The following VPS9D1 variants were observed in gnomAD, a reference collection of about 807,000 sequenced individuals.
VPS9D1 encodes VPS9 domain containing 1.
VPS9D1 carries 78 observed loss-of-function variants against 75.8 expected under a neutral mutation model. The observed-to-expected ratio is 1.03, with a 90% CI of 0.86 to 1.24. The LOEUF (loss-of-function observed/expected upper bound fraction) is 1.24, where lower values mean the gene tolerates loss of function less well. Ranked by LOEUF, VPS9D1 falls within the 50% of genes most tolerant of loss-of-function variation. VPS9D1 has a pLI of 0.00. For synonymous variants in VPS9D1, 481 were observed against 385.6 expected, an observed-to-expected ratio of 1.25 and a Z score of -2.90; for missense variants, 1,057 against 847.7, an observed-to-expected ratio of 1.25 and a Z score of -3.07.
Position 89,720,871 on chromosome 16 carries a change from C to G in VPS9D1, c.-10G>C. ...CGGCCGCAGCGGCCATGGCGCCGAG[C>G]GGGGGAGGCGGCGGCGGTAGCCGAG... On this transcript the variant is annotated 5_prime_UTR_variant, in exon 1 of 15. Coordinates refer to ENST00000389386, the MANE Select transcript of VPS9D1 (RefSeq NM_004913.3). 1 of 1,357,898 alleles carries G rather than the reference C, an allele frequency of 7.4e-7. No individual in the cohort carries two copies. The highest frequency in any genetic ancestry group is 9.5e-7 in the Non-Finnish European group (1 of 1,051,792). The allele number at this position is 1,357,898 out of a possible 1,614,324, so 84.1% of individuals were successfully genotyped here.
In VPS9D1 at chr16:89,711,972, G is replaced by C; in HGVS notation, c.660-3C>G. 2 of 1,550,742 alleles carry C rather than the reference G, an allele frequency of 1.3e-6. No homozygotes were observed. Among genetic ancestry groups the C allele is most frequent in the Non-Finnish European group, 1.7e-6 (2 of 1,146,784 alleles). On this transcript the variant is annotated splice_polypyrimidine_tract_variant and splice_region_variant and intron_variant, in intron 7 of 14. Coordinates refer to ENST00000389386, the MANE Select transcript of VPS9D1 (RefSeq NM_004913.3). ...GGGCGACTTGGCTGCAAAACCTCCT[G>C]GGGAGAAAGGCACGCGGTGGGTGCC...
At chr16:89,719,787 C>T (rs1044499639) in intron 1 of VPS9D1, among the ~76,000 whole-genome samples, 2 of 152,152 alleles carry the variant, frequency 1.3e-5, no homozygotes, top group African/African-American at 4.8e-5. Context: ...GGCAGGATCT[C>T]GAGTCACTGC....
chr16:89,709,806 C>T lies in VPS9D1; in HGVS notation c.1359G>A (p.Pro453=), dbSNP rs774093746. 1.1e-5 allele frequency: 18 copies of T among 1,613,590 alleles called. No homozygotes were observed. The highest frequency in any genetic ancestry group is 1.3e-5 in the African/African-American group (1 of 74,872). ...ACAGGGCCAGCAGCAGAGGCCACAGCGGGGAGAAAAAGGGTTCCTCAATGC... is the reference window on the plus strand; with the variant it reads ...ACAGGGCCAGCAGCAGAGGCCACAGTGGGGAGAAAAAGGGTTCCTCAATGC... ...LACIEEPFFS[P]LWPLLLALYR... The change falls in exon 11 of 15, where the codon CCG becomes CCA. Residue 453 remains proline, a synonymous_variant. Coordinates refer to ENST00000389386, the MANE Select transcript of VPS9D1 (RefSeq NM_004913.3).
In VPS9D1 at chr16:89,720,896, G is replaced by A. The variant is rs905314853; in HGVS notation, c.-35C>T. The A allele has an allele frequency of 9.3e-6, 12 of 1,296,468 alleles. No individual in the cohort carries two copies. In the African/African-American group the frequency reaches 1.6e-4, roughly 17 times the overall value. The allele number at this position is 1,296,468 out of a possible 1,614,324, so 80.3% of individuals were successfully genotyped here. On this transcript the variant is annotated 5_prime_UTR_variant, in exon 1 of 15. Transcript: ENST00000389386. ...CGGGGGAGGCGGCGGCGGTAGCCGA[G>A]GGGCTGGACGGGCGACCGGAGGCCC...
At position 89,711,979 on chromosome 16, in the gene VPS9D1, A is replaced by G; in HGVS notation, c.660-10T>C. The stretch of plus-strand genomic sequence containing the variant: ...TTGGCTGCAAAACCTCCTGGGGAGA[A>G]AGGCACGCGGTGGGTGCCGGGGCCA... On this transcript the variant is annotated splice_polypyrimidine_tract_variant and intron_variant, in intron 7 of 14. Coordinates refer to ENST00000389386, the MANE Select transcript of VPS9D1 (RefSeq NM_004913.3). The G allele has an allele frequency of 1.3e-6, 2 of 1,550,502 alleles. No homozygotes were observed. The highest frequency in any genetic ancestry group is 1.7e-6 in the Non-Finnish European group (2 of 1,146,716).
intron 2 of VPS9D1, among the ~76,000 whole-genome samples, chr16:89,717,185 A>G (rs1258896645): frequency 1.9e-5 from 1 of 53,216 alleles, no homozygotes; most frequent in African/African-American, 7.4e-5. Context: ...TGCCCCCACC[A>G]TGGACCCCAG....
At chr16:89,719,230 A>G (rs1296465400) in intron 1 of VPS9D1, 128 bp from the exon 2 acceptor site, 1 of 895,602 alleles carries the variant, frequency 1.1e-6, no homozygotes, top group East Asian at 2.5e-5. Context: ...ATACACCCAG[A>G]GACATTGAGC....
chr16:89,711,671 C>G (rs1029739602), intron 8 of VPS9D1: 16 of 691,552 alleles, frequency 2.3e-5, no homozygotes, highest in Non-Finnish European at 3.1e-5. Flanking sequence ...CCCTCCCACG[C>G]GACCCCTGAC....
intron 4 of VPS9D1, among the ~76,000 whole-genome samples, chr16:89,713,924 T>A (rs957587155): frequency 1.3e-5 from 2 of 151,934 alleles, no homozygotes; most frequent in African/African-American, 4.8e-5. Context: ...TCTCAAAAAA[T>A]CACTGAGGTT....
At chr16:89,708,829 G>A (rs773510210) in intron 13 of VPS9D1, 28 bp downstream of exon 13, 26 of 1,557,544 alleles carry the variant, frequency 1.7e-5, no homozygotes, top group Non-Finnish European at 2.2e-5. Flanking sequence ...CTTCCTCCCT[G>A]GCCACACCTC....
chr16:89,720,536 G>A, intron 1 of VPS9D1: 1 of 1,166,750 alleles, frequency 8.6e-7, no homozygotes, highest in Non-Finnish European at 1.1e-6. Flanking sequence ...CACCGGCTCA[G>A]CGAGCGGAGT....
At chr16:89,715,131 A>G (rs1453079171) in intron 4 of VPS9D1, among the ~76,000 whole-genome samples, 1 of 151,914 alleles carries the variant, frequency 6.6e-6, no homozygotes, top group Admixed American at 6.6e-5. Context: ...CTTCAGCTAT[A>G]TCTGCTCTGC....
chr16:89,711,840 G>A (rs1040898806), intron 8 of VPS9D1, 42 bp downstream of exon 8: 16 of 1,539,334 alleles, frequency 1.0e-5, no homozygotes, highest in Non-Finnish European at 1.8e-6. Context: ...CGCCCCCCTC[G>A]CTGGGCTCCT....
Position 89,707,600 on chromosome 16 carries a change from G to T in VPS9D1, c.*261C>A. On this transcript the variant is annotated 3_prime_UTR_variant, in exon 15 of 15. Transcript: ENST00000389386. ...CTTGGCCTCTCTGAGGCCTACACAG[G>T]AGAGCAGGGCCTGGTTCCTCCTGGA... The T allele has an allele frequency of 2.2e-6, 1 of 459,608 alleles. No individual in the cohort carries two copies. The highest frequency in any genetic ancestry group is 2.0e-5 in the African/African-American group (1 of 50,802). The allele number at this position is 459,608 out of a possible 1,614,324, so 28.5% of individuals were successfully genotyped here. A position where few individuals can be genotyped will look rare whatever the true frequency, so the allele number is the denominator to read the frequency against.
At chr16:89,711,192 A>C in intron 9 of VPS9D1, 135 bp downstream of exon 9, 2 of 1,175,762 alleles carry the variant, frequency 1.7e-6, no homozygotes, top group Non-Finnish European at 1.2e-6. Flanking sequence ...CCCTCAGCGC[A>C]AAGGGAGCTG....
At position 89,717,361 on chromosome 16, in the gene VPS9D1, G is replaced by A. The variant is rs564549442; in HGVS notation, c.176-539C>T. ...AACTGCAGGCCTCTGGGAAGTGGCC[G>A]TTTTACAGAGACAAGGACGTGCTGA... On this transcript the variant is annotated intron_variant, in intron 2 of 14. Transcript: ENST00000389386. 53 of 354,088 alleles carry A rather than the reference G, an allele frequency of 1.5e-4. No individual in the cohort carries two copies. In the East Asian group the frequency reaches 2.6e-3, roughly 18 times the overall value. The allele number at this position is 354,088 out of a possible 1,614,324, so 21.9% of individuals were successfully genotyped here.
At chr16:89,711,802 C>CG (rs34149375) in intron 8 of VPS9D1, 80 bp downstream of exon 8, 16,458 of 1,478,118 alleles carry the variant, frequency 0.011, 201 homozygotes, top group South Asian at 0.04. Context: ...CCGCCCCCCA[C>CG]GGGGGCCCAC....
chr16:89,720,891 G>C lies in VPS9D1; in HGVS notation c.-30C>G. 6 of 1,328,428 alleles carry C rather than the reference G, an allele frequency of 4.5e-6. No individual in the cohort carries two copies. Among genetic ancestry groups the C allele is most frequent in the South Asian group, 1.9e-5 (1 of 51,730 alleles). The allele number at this position is 1,328,428 out of a possible 1,614,324, so 82.3% of individuals were successfully genotyped here. A position where few individuals can be genotyped will look rare whatever the true frequency, so the allele number is the denominator to read the frequency against. On this transcript the variant is annotated 5_prime_UTR_variant, in exon 1 of 15. Transcript: ENST00000389386. ...CCGAGCGGGGGAGGCGGCGGCGGTA[G>C]CCGAGGGGCTGGACGGGCGACCGGA...
intron 2 of VPS9D1, among the ~76,000 whole-genome samples, chr16:89,717,076 C>G (rs2061089546): frequency 1.0e-5 from 1 of 96,358 alleles, no homozygotes; most frequent in Non-Finnish European, 2.1e-5. Context: ...AAGCCCACTG[C>G]CCCCCCATCC....
Sources: gnomAD v4.1 joint callset for allele counts (sites outside exome capture counted in the v4.1 genomes callset) on GRCh38, gnomAD v4.1.1 for gene constraint, MANE v1.5 for transcripts, NCBI Gene and HGNC (gene_info 2026-07-23, HGNC 2026-07-21) for gene names.